CACNA1C: variants seen among roughly 807,000 people sequenced by gnomAD.
CACNA1C encodes the protein voltage-dependent L-type calcium channel subunit alpha-1C.
Under a neutral mutation model 229.0 loss-of-function variants are expected in CACNA1C, and 30 were observed. The observed-to-expected ratio is 0.13, with a 90% CI of 0.10 to 0.18. The LOEUF is 0.18. CACNA1C is among the 10% of genes least tolerant of loss of function. The pLI is 1.00. For missense variants in CACNA1C, 1,658 were observed against 2,845.0 expected, an observed-to-expected ratio of 0.58 and a Z score of 9.49; for synonymous variants, 1,114 against 1,132.5, an observed-to-expected ratio of 0.98 and a Z score of 0.33.
chr12:2,040,110 G>C (rs1206545693), intron 1 of CACNA1C, among the ~76,000 whole-genome samples: 1 of 152,022 alleles, frequency 6.6e-6, no homozygotes, highest in Non-Finnish European at 1.5e-5. Flanking sequence ...GACTTCAGCA[G>C]GGAGAGAGTT....
chr12:2,358,261 G>GTT (rs1284385880), intron 3 of CACNA1C, among the ~76,000 whole-genome samples: 4 of 38,640 alleles, frequency 1.0e-4, no homozygotes, highest in African/African-American at 4.9e-4. Context: ...CTGTGTGTGT[G>GTT]TGTGTGTGTG....
At chr12:2,373,296 C>G (rs1236593726) in intron 3 of CACNA1C, among the ~76,000 whole-genome samples, 1 of 152,148 alleles carries the variant, frequency 6.6e-6, no homozygotes, top group African/African-American at 2.4e-5. Flanking sequence ...CGTTCTAGAC[C>G]CTGAGCACTG....
At chr12:2,508,140 C>T (rs997844766) in intron 8 of CACNA1C, among the ~76,000 whole-genome samples, 1 of 152,236 alleles carries the variant, frequency 6.6e-6, no homozygotes, top group Non-Finnish European at 1.5e-5. Context: ...AAGCCACTAA[C>T]TGAATAGCAC....
At chr12:2,240,016 A>C (rs898430409) in intron 3 of CACNA1C, among the ~76,000 whole-genome samples, 2 of 152,268 alleles carry the variant, frequency 1.3e-5, no homozygotes, top group Non-Finnish European at 2.9e-5. Context: ...AATTTCTTTC[A>C]AACTGCTTTA....
At position 2,448,839 on chromosome 12, in the gene CACNA1C, C is replaced by T. The variant is rs7303824; in HGVS notation, c.478-137C>T. ...CAGGTCGTGGAGTTGCTAATTTGGC[C>T]TGGGTGTCCCCACTTGGTTCCACCA... is the stretch of plus-strand genomic sequence containing the variant. On this transcript the variant is annotated intron_variant, in intron 3 of 46. Coordinates refer to ENST00000399655, the MANE Select transcript of CACNA1C (RefSeq NM_000719.7). 44,614 of 637,512 alleles carry T rather than the reference C, an allele frequency of 0.07. 2,656 individuals carry two copies. The highest frequency in any genetic ancestry group is 0.22 in the African/African-American group (11,746 of 54,006). The allele number at this position is 637,512 out of a possible 1,614,324, so 39.5% of individuals were successfully genotyped here.
intron 3 of CACNA1C, among the ~76,000 whole-genome samples, chr12:2,326,564 T>C (rs1244535182): frequency 6.6e-6 from 1 of 152,192 alleles, no homozygotes; most frequent in Non-Finnish European, 1.5e-5. Flanking sequence ...GCCCTTGGAC[T>C]ACAGGAGCTA....
intron 3 of CACNA1C, among the ~76,000 whole-genome samples, chr12:2,413,308 C>T (rs1284540861): frequency 3.3e-5 from 5 of 152,232 alleles, no homozygotes; most frequent in African/African-American, 7.2e-5. Context: ...TGAGCCACCA[C>T]ACCCAGCCTA....
At chr12:2,225,654 C>T (rs889115376) in intron 3 of CACNA1C, among the ~76,000 whole-genome samples, 1 of 152,198 alleles carries the variant, frequency 6.6e-6, no homozygotes, top group African/African-American at 2.4e-5. Flanking sequence ...ACTGTCTCTT[C>T]TCCCTCCAAA....
At chr12:2,340,381 C>T (rs928638210) in intron 3 of CACNA1C, among the ~76,000 whole-genome samples, 1 of 152,184 alleles carries the variant, frequency 6.6e-6, no homozygotes, top group African/African-American at 2.4e-5. Context: ...CTCCTCACAC[C>T]CATGCCAACA....
chr12:2,424,096 T>A (rs889459267), intron 3 of CACNA1C, among the ~76,000 whole-genome samples: 1 of 151,802 alleles, frequency 6.6e-6, no homozygotes, highest in Non-Finnish European at 1.5e-5. Context: ...CCAATCTCTG[T>A]ATTACAAGGT....
intron 3 of CACNA1C, among the ~76,000 whole-genome samples, chr12:2,299,084 T>A (rs1042444580): frequency 6.6e-6 from 1 of 152,226 alleles, no homozygotes; most frequent in South Asian, 2.1e-4. Context: ...GAGTCCCTGC[T>A]CACTTTGCTT....
At position 2,528,837 on chromosome 12, in the gene CACNA1C, G is replaced by T. The variant is rs1423246638; in HGVS notation, c.1390+15853G>T. Among the ~76,000 whole-genome samples the T allele has an allele frequency of 2.0e-5, 3 of 152,168 alleles. No homozygotes were observed. In the East Asian group the frequency reaches 5.8e-4, roughly 29 times the overall value. ...AGTCAAGCTTCACAGCTCTTCCTGGGATTCAAGTTCACAAAATGGCATCGT... is the reference window on the plus strand; with the variant it reads ...AGTCAAGCTTCACAGCTCTTCCTGGTATTCAAGTTCACAAAATGGCATCGT... On this transcript the variant is annotated intron_variant, in intron 9 of 46. Transcript: ENST00000399655.
At chr12:2,261,655 A>ATTTTTTTAT (rs2080262080) in intron 3 of CACNA1C, among the ~76,000 whole-genome samples, 1 of 152,330 alleles carries the variant, frequency 6.6e-6, no homozygotes, top group South Asian at 2.1e-4. Context: ...GTAAAACATT[A>ATTTTTTTAT]TTACAAACAG....
chr12:2,077,678 C>T (rs1281852333), intron 1 of CACNA1C, among the ~76,000 whole-genome samples: 2 of 152,122 alleles, frequency 1.3e-5, no homozygotes, highest in African/African-American at 4.8e-5. Flanking sequence ...GAGTTACGGC[C>T]TCAGGCCTAT....
chr12:2,429,893 A>G (rs930006430), intron 3 of CACNA1C, among the ~76,000 whole-genome samples: 1 of 152,236 alleles, frequency 6.6e-6, no homozygotes, highest in Admixed American at 6.5e-5. Flanking sequence ...GAGGCTGTGC[A>G]TACAAAGACC....
intron 5 of CACNA1C, among the ~76,000 whole-genome samples, chr12:2,468,658 G>T (rs1224451485): frequency 2.0e-5 from 3 of 152,244 alleles, no homozygotes; most frequent in African/African-American, 7.2e-5. Context: ...TAGTTTGCCT[G>T]TTGCCTTATT....
At chr12:2,177,219 A>T (rs546000311) in intron 3 of CACNA1C, among the ~76,000 whole-genome samples, 1 of 152,146 alleles carries the variant, frequency 6.6e-6, no homozygotes, top group Admixed American at 6.5e-5. Context: ...GTGCTTAGCA[A>T]CCAGGAGAGG....
chr12:2,122,978 G>A (rs777158075), intron 3 of CACNA1C, among the ~76,000 whole-genome samples: 9 of 152,276 alleles, frequency 5.9e-5, no homozygotes, highest in African/African-American at 1.4e-4. Context: ...AAATTTCCTC[G>A]CAGGGATGCC....
At chr12:2,261,004 G>C (rs929816753) in intron 3 of CACNA1C, among the ~76,000 whole-genome samples, 2 of 152,148 alleles carry the variant, frequency 1.3e-5, no homozygotes, top group Non-Finnish European at 2.9e-5. Flanking sequence ...GCCGAGGCTG[G>C]CAGATCACAA....
Sources: gnomAD v4.1 joint callset for allele counts (sites outside exome capture counted in the v4.1 genomes callset) on GRCh38, gnomAD v4.1.1 for gene constraint, MANE v1.5 for transcripts, NCBI Gene and HGNC (gene_info 2026-07-23, HGNC 2026-07-21) for gene names.